The following ANKRD22 variants were observed in gnomAD, a reference collection of about 807,000 sequenced individuals.
ANKRD22 encodes ankyrin repeat domain-containing protein 22.
ANKRD22 carries 24 observed loss-of-function variants against 25.7 expected under a neutral mutation model. That is an observed-to-expected ratio of 0.93 (90% confidence interval 0.68 to 1.31). The LOEUF (loss-of-function observed/expected upper bound fraction) is 1.31, where lower values mean the gene tolerates loss of function less well. Ranked by LOEUF, ANKRD22 falls within the 50% of genes most tolerant of loss-of-function variation. The pLI is 0.00. For synonymous variants in ANKRD22, 84 were observed against 84.3 expected (o/e 1.00, Z 0.02); for missense variants, 214 against 227.1 (o/e 0.94, Z 0.37).
chr10:88,836,788 G>A (rs1324560051), intron 1 of ANKRD22, among the ~76,000 whole-genome samples: 1 of 152,150 alleles, frequency 6.6e-6, no homozygotes, highest in Admixed American at 6.5e-5. Context: ...TCCACCAAGA[G>A]ATAAGAAGTG....
rs1843997265 is a variant in ANKRD22, at chr10:88,840,862, G to A, written c.22-8836C>T. The stretch of plus-strand genomic sequence containing the variant: ...CATACTGTATTTTATAAATTCCTTA[G>A]GAAATGTCTTCTTTCAGACAAATAA... On this transcript the variant is annotated intron_variant, in intron 1 of 5. Coordinates refer to ENST00000371930, the MANE Select transcript of ANKRD22 (RefSeq NM_144590.3). Among the ~76,000 whole-genome samples the A allele has an allele frequency of 2.6e-5, 4 of 152,090 alleles. No homozygotes were observed. The South Asian group carries it at 8.3e-4, about 32-fold the overall frequency.
intron 2 of ANKRD22, 34 bp from the exon 3 acceptor site, chr10:88,828,700 A>G (rs1366000840): frequency 6.8e-7 from 1 of 1,472,020 alleles, no homozygotes; most frequent in African/African-American, 1.4e-5. Context: ...TTACTAATAA[A>G]GCATTTCAAT....
chr10:88,832,401 T>G (rs1459004904), intron 1 of ANKRD22, among the ~76,000 whole-genome samples: 1 of 152,122 alleles, frequency 6.6e-6, no homozygotes, highest in Non-Finnish European at 1.5e-5. Flanking sequence ...ATCTTTATCT[T>G]TACTAAAGAC....
At chr10:88,840,495 T>A (rs1296142491) in intron 1 of ANKRD22, among the ~76,000 whole-genome samples, 1 of 152,202 alleles carries the variant, frequency 6.6e-6, no homozygotes. Flanking sequence ...CCCTAAAGTA[T>A]AATGGAGCTT....
chr10:88,824,611 G>A (rs181265011), intron 4 of ANKRD22, among the ~76,000 whole-genome samples: 1 of 152,288 alleles, frequency 6.6e-6, no homozygotes, highest in Admixed American at 6.5e-5. Flanking sequence ...ACCTGCATGT[G>A]TCTCAAACTC....
At chr10:88,851,436 C>A in intron 1 of ANKRD22, 151 bp downstream of exon 1, 4 of 714,014 alleles carry the variant, frequency 5.6e-6, no homozygotes, top group Admixed American at 2.4e-5. Flanking sequence ...ACAAGAATAA[C>A]ACATAGGACT....
At chr10:88,850,377 C>T (rs1199803507) in intron 1 of ANKRD22, among the ~76,000 whole-genome samples, 1 of 151,922 alleles carries the variant, frequency 6.6e-6, no homozygotes, top group East Asian at 1.9e-4. Flanking sequence ...TAAGAATCTG[C>T]ATTTAAACAA....
intron 1 of ANKRD22, among the ~76,000 whole-genome samples, chr10:88,847,158 G>A (rs1188239764): frequency 6.6e-6 from 1 of 152,008 alleles, no homozygotes; most frequent in Non-Finnish European, 1.5e-5. Flanking sequence ...TTTGTGGAAT[G>A]TTTTTTTACA....
At chr10:88,834,878 G>A (rs1241567854) in intron 1 of ANKRD22, among the ~76,000 whole-genome samples, 1 of 151,864 alleles carries the variant, frequency 6.6e-6, no homozygotes, top group Non-Finnish European at 1.5e-5. Context: ...GCAGTGAGCC[G>A]AAATCGCGCC....
intron 1 of ANKRD22, among the ~76,000 whole-genome samples, chr10:88,832,511 T>A (rs1216138756): frequency 1.4e-5 from 2 of 145,692 alleles, no homozygotes; most frequent in East Asian, 5.3e-4. Context: ...CAAAATGTCT[T>A]TATCTTTATC....
At chr10:88,838,432 T>C (rs1390955062) in intron 1 of ANKRD22, among the ~76,000 whole-genome samples, 3 of 152,014 alleles carry the variant, frequency 2.0e-5, no homozygotes, top group Non-Finnish European at 2.9e-5. Flanking sequence ...GACAAGCAAA[T>C]AGAAACACAG....
At chr10:88,823,137 A>G (rs1203338630) in intron 5 of ANKRD22, 119 bp from the exon 6 acceptor site, 2 of 1,238,298 alleles carry the variant, frequency 1.6e-6, no homozygotes, top group Non-Finnish European at 2.3e-6. Context: ...TCCTAATAGT[A>G]ATAGGATAAC....
At chr10:88,839,814 C>A (rs1213721339) in intron 1 of ANKRD22, among the ~76,000 whole-genome samples, 2 of 152,154 alleles carry the variant, frequency 1.3e-5, no homozygotes, top group African/African-American at 2.4e-5. Context: ...CAATATTTCG[C>A]CTCAGTGGTT....
At chr10:88,846,413 A>G (rs965712203) in intron 1 of ANKRD22, among the ~76,000 whole-genome samples, 4 of 152,202 alleles carry the variant, frequency 2.6e-5, no homozygotes, top group African/African-American at 9.6e-5. Context: ...CTAAATTAAT[A>G]AAGTCACATT....
At chr10:88,838,463 C>T (rs973548121) in intron 1 of ANKRD22, among the ~76,000 whole-genome samples, 8 of 152,080 alleles carry the variant, frequency 5.3e-5, no homozygotes, top group African/African-American at 1.7e-4. Flanking sequence ...GAGCACAGTT[C>T]GTACATGTGG....
chr10:88,824,268 G>C (rs1033456348), intron 4 of ANKRD22, among the ~76,000 whole-genome samples: 2 of 152,192 alleles, frequency 1.3e-5, no homozygotes, highest in Non-Finnish European at 1.5e-5. Flanking sequence ...ATTATAGCTA[G>C]GGCATTAGTG....
At chr10:88,838,861 A>G (rs1843979306) in intron 1 of ANKRD22, among the ~76,000 whole-genome samples, 1 of 152,186 alleles carries the variant, frequency 6.6e-6, no homozygotes. Context: ...GCCAGATTTC[A>G]GTGAAGGCAC....
rs1183153687 is a variant in ANKRD22, at chr10:88,823,316, G to A, written c.462C>T (p.Leu154=). 4.3e-6 allele frequency: 7 copies of A among 1,614,072 alleles called. No individual in the cohort carries two copies. In the South Asian group the frequency reaches 7.7e-5, roughly 18 times the overall value. ...EMKNQSLIPL[L]LEARADPTIK... is the part of the protein sequence containing the mutation. ...TTGTGGGGTCTGCACGGGCTTCCAA[G>A]AGCAGAGGGATAAGAGACTGGTTTT... Residue 154 remains leucine, a synonymous_variant, in exon 5 of 6, where the codon CTC becomes CTT. Coordinates refer to ENST00000371930, the MANE Select transcript of ANKRD22 (RefSeq NM_144590.3).
chr10:88,849,891 C>T (rs999325083), intron 1 of ANKRD22, among the ~76,000 whole-genome samples: 1 of 152,054 alleles, frequency 6.6e-6, no homozygotes, highest in Non-Finnish European at 1.5e-5. Context: ...CTCATTCTCT[C>T]CTTCTTTCTT....
Sources: gnomAD v4.1 joint callset for allele counts (sites outside exome capture counted in the v4.1 genomes callset) on GRCh38, gnomAD v4.1.1 for gene constraint, MANE v1.5 for transcripts, NCBI Gene and HGNC (gene_info 2026-07-23, HGNC 2026-07-21) for gene names.